Variants in NXPE4 observed in about 807,000 individuals in gnomAD.
NXPE4 encodes the protein neurexophilin and PC-esterase domain family member 4.
NXPE4 carries 42 observed loss-of-function variants against 33.3 expected under a neutral mutation model. That is an observed-to-expected ratio of 1.26 (90% CI 0.98 to 1.63). NXPE4 has a LOEUF of 1.63. Among genes scored for constraint, NXPE4 ranks in the 40% most tolerant of loss-of-function variants. The pLI is 0.00. For synonymous variants in NXPE4, 253 were observed against 234.9 expected (o/e 1.08, Z -0.71); for missense variants, 709 against 647.6 (o/e 1.09, Z -1.03).
chr11:114,578,244 T>G (rs1949060251), intron 5 of NXPE4, among the ~76,000 whole-genome samples: 1 of 152,172 alleles, frequency 6.6e-6, no homozygotes, highest in African/African-American at 2.4e-5. Context: ...GGCAGAGTTA[T>G]TTTCTTCACT....
the NXPE4 span, among the ~76,000 whole-genome samples, chr11:114,652,183 G>T: frequency 6.6e-6 from 1 of 152,200 alleles, no homozygotes; most frequent in Non-Finnish European, 1.5e-5. Context: ...AGGGAGAGAA[G>T]GGTCATACTG....
chr11:114,622,959 G>A, the NXPE4 span, among the ~76,000 whole-genome samples: 4 of 152,076 alleles, frequency 2.6e-5, no homozygotes, highest in Non-Finnish European at 5.9e-5. Flanking sequence ...TTACCCATTG[G>A]GTAATATGTA....
chr11:114,632,126 T>G, the NXPE4 span, among the ~76,000 whole-genome samples: 1 of 144,114 alleles, frequency 6.9e-6, no homozygotes, highest in Admixed American at 7.2e-5. Flanking sequence ...TATATTATAA[T>G]AAAATATATT....
chr11:114,645,080 T>G, the NXPE4 span, among the ~76,000 whole-genome samples: 1 of 151,810 alleles, frequency 6.6e-6, no homozygotes, highest in African/African-American at 2.4e-5. Flanking sequence ...GGCAGGCGGA[T>G]TCCTTGAGGT....
chr11:114,613,364 G>A, the NXPE4 span, among the ~76,000 whole-genome samples: 38,520 of 150,614 alleles, frequency 0.26, 5,436 homozygotes, highest in African/African-American at 0.37. Context: ...GGATAACCAC[G>A]GTTACCCTGT....
chr11:114,575,122 G>A lies in NXPE4; in HGVS notation c.1100-3649C>T, dbSNP rs190676386. Among the ~76,000 whole-genome samples the A allele has an allele frequency of 7.8e-3, 1,186 of 152,102 alleles. 17 individuals carry two copies. Among genetic ancestry groups the A allele is most frequent in the Non-Finnish European group, 7.4e-3 (505 of 67,944 alleles). The stretch of plus-strand genomic sequence containing the variant: ...CATCGTCTCAGCAGACACAGAAAAA[G>A]CATTTGAGAAAATCCAGCATCCATT... On this transcript the variant is annotated intron_variant, in intron 5 of 5. Coordinates refer to ENST00000375478, the MANE Select transcript of NXPE4 (RefSeq NM_001077639.2).
chr11:114,638,679 A>G, the NXPE4 span, among the ~76,000 whole-genome samples: 5 of 152,036 alleles, frequency 3.3e-5, no homozygotes, highest in African/African-American at 1.2e-4. Flanking sequence ...TTTTCTTTCT[A>G]ACAGACAGGA....
intron 2 of NXPE4, among the ~76,000 whole-genome samples, chr11:114,590,631 A>G (rs1423365577): frequency 6.6e-6 from 1 of 152,198 alleles, no homozygotes; most frequent in East Asian, 1.9e-4. Context: ...TTCAATCTTT[A>G]TGTATCAGAA....
chr11:114,640,045 T>C, the NXPE4 span, among the ~76,000 whole-genome samples: 21,586 of 118,126 alleles, frequency 0.18, 2,332 homozygotes, highest in Non-Finnish European at 0.22. Flanking sequence ...TATATTATTT[T>C]ATAATATATA....
upstream of NXPE4, among the ~76,000 whole-genome samples, chr11:114,598,400 TG>T (rs1276661902): frequency 7.0e-6 from 1 of 143,674 alleles, no homozygotes; most frequent in Non-Finnish European, 1.5e-5. Context: ...CACTAGGCAG[TG>T]CCCCAGTGGG....
chr11:114,645,714 T>A, the NXPE4 span, among the ~76,000 whole-genome samples: 1 of 152,000 alleles, frequency 6.6e-6, no homozygotes, highest in African/African-American at 2.4e-5. Context: ...AAGACATGAA[T>A]AAAGAATTCA....
At chr11:114,650,173 C>G in the NXPE4 span, among the ~76,000 whole-genome samples, 1 of 152,160 alleles carries the variant, frequency 6.6e-6, no homozygotes, top group Admixed American at 6.5e-5. Context: ...TAAAGAGGAA[C>G]AAGCCCTTTC....
At chr11:114,604,031 A>C in the NXPE4 span, among the ~76,000 whole-genome samples, 1 of 151,992 alleles carries the variant, frequency 6.6e-6, no homozygotes, top group Non-Finnish European at 1.5e-5. Flanking sequence ...GGTGGATAAC[A>C]GTATTGCCTC....
At chr11:114,647,788 T>A in the NXPE4 span, among the ~76,000 whole-genome samples, 4 of 151,870 alleles carry the variant, frequency 2.6e-5, no homozygotes, top group Admixed American at 2.6e-4. Flanking sequence ...TGCAACCTCT[T>A]CCCCCTGGGT....
At chr11:114,595,094 G>T (rs1472054425) in intron 1 of NXPE4, among the ~76,000 whole-genome samples, 1 of 152,050 alleles carries the variant, frequency 6.6e-6, no homozygotes, top group African/African-American at 2.4e-5. Flanking sequence ...CACCTATCAG[G>T]TTCCCTGTTC....
At chr11:114,631,286 A>G in the NXPE4 span, among the ~76,000 whole-genome samples, 4 of 151,876 alleles carry the variant, frequency 2.6e-5, no homozygotes, top group African/African-American at 9.7e-5. Context: ...ATGTCCAACA[A>G]TGATAGACTG....
At chr11:114,588,827 A>C (rs899632111) in intron 2 of NXPE4, among the ~76,000 whole-genome samples, 23 of 152,148 alleles carry the variant, frequency 1.5e-4, no homozygotes, top group African/African-American at 5.1e-4. Flanking sequence ...TTGTCCCCTG[A>C]TTCAGTAGAG....
At chr11:114,627,980 T>G in the NXPE4 span, among the ~76,000 whole-genome samples, 1 of 151,866 alleles carries the variant, frequency 6.6e-6, no homozygotes, top group African/African-American at 2.4e-5. Context: ...CTATCCTAAA[T>G]ATATATGGAC....
At chr11:114,618,014 T>A in the NXPE4 span, among the ~76,000 whole-genome samples, 3 of 152,044 alleles carry the variant, frequency 2.0e-5, no homozygotes, top group Admixed American at 6.6e-5. Flanking sequence ...TGTTACCCGC[T>A]GGATAATAAG....
Sources: allele counts gnomAD v4.1 joint callset (sites outside exome capture counted in the v4.1 genomes callset), GRCh38; gene constraint gnomAD v4.1.1; transcripts MANE v1.5; gene names NCBI Gene and HGNC (gene_info 2026-07-23, HGNC 2026-07-21).